JAKMIP2: variants seen among roughly 807,000 people sequenced by gnomAD.
JAKMIP2 encodes the protein janus kinase and microtubule interacting protein 2.
A neutral mutation model predicts 115.0 loss-of-function variants in JAKMIP2; 25 were observed. That is an observed-to-expected ratio of 0.22 (90% confidence interval 0.16 to 0.30). The LOEUF is 0.30. JAKMIP2 is among the 10% of genes least tolerant of loss of function. The pLI, the probability that JAKMIP2 is intolerant of heterozygous loss-of-function variation, is 1.00. For synonymous variants in JAKMIP2, 334 were observed against 343.6 expected (o/e 0.97, Z 0.31); for missense variants, 642 against 957.6 (o/e 0.67, Z 4.35).
intron 1 of JAKMIP2, among the ~76,000 whole-genome samples, chr5:147,779,088 TGAC>T (rs1432119112): frequency 6.6e-6 from 1 of 152,110 alleles, no homozygotes; most frequent in Admixed American, 6.6e-5. Flanking sequence ...AACAAAGCAT[TGAC>T]TTTTCATGAA....
intron 16 of JAKMIP2, among the ~76,000 whole-genome samples, chr5:147,623,907 G>T (rs1489234255): frequency 6.6e-6 from 1 of 152,004 alleles, no homozygotes; most frequent in African/African-American, 2.4e-5. Context: ...CGTTATCTCG[G>T]CTCCTGCAAC....
At chr5:147,730,647 G>A (rs1045001470) in intron 1 of JAKMIP2, among the ~76,000 whole-genome samples, 10 of 152,150 alleles carry the variant, frequency 6.6e-5, no homozygotes, top group South Asian at 4.2e-4. Context: ...GTAGAGACAG[G>A]GTTTCACTAT....
At chr5:147,624,414 C>CAATA (rs1167928898) in intron 16 of JAKMIP2, among the ~76,000 whole-genome samples, 1 of 152,130 alleles carries the variant, frequency 6.6e-6, no homozygotes, top group African/African-American at 2.4e-5. Context: ...ACAACATGTC[C>CAATA]AATAGCTCTA....
At chr5:147,620,476 A>C (rs1474832596) in intron 18 of JAKMIP2, among the ~76,000 whole-genome samples, 190 bp downstream of exon 18, 2 of 152,222 alleles carry the variant, frequency 1.3e-5, no homozygotes, top group Non-Finnish European at 2.9e-5. Flanking sequence ...AGAATATCTT[A>C]TAAGAATCTT....
intron 20 of JAKMIP2, among the ~76,000 whole-genome samples, chr5:147,603,031 C>G (rs116491561): frequency 6.6e-6 from 1 of 152,076 alleles, no homozygotes; most frequent in Non-Finnish European, 1.5e-5. Flanking sequence ...GAGTAATGGA[C>G]GAATTCCCAT....
chr5:147,691,055 C>T (rs889822265), intron 1 of JAKMIP2, among the ~76,000 whole-genome samples: 6 of 152,064 alleles, frequency 3.9e-5, no homozygotes, highest in Non-Finnish European at 8.8e-5. Flanking sequence ...ATGTGACGGA[C>T]TACTCCAGTC....
At chr5:147,748,147 TG>T in intron 1 of JAKMIP2, among the ~76,000 whole-genome samples, 1 of 152,352 alleles carries the variant, frequency 6.6e-6, no homozygotes, top group South Asian at 2.1e-4. Flanking sequence ...GTTCAAATCC[TG>T]GCTCTACTTC....
In JAKMIP2 at chr5:147,639,661, C is replaced by T. The variant is rs878894578; in HGVS notation, c.1501G>A (p.Gly501Ser). The change falls in exon 10 of 22, where the codon GGC becomes AGC. Residue 501 changes from glycine (G) to serine (S), a missense_variant. Physicochemically the swap from Gly to Ser is moderately conservative, Grantham distance 56. Around this residue, in one of 6 missense-constraint regions of JAKMIP2, gnomAD observed 103 missense variants for 177.6 expected, o/e 0.58. Transcript: ENST00000616793. ...AYALLQEQTG[G>S]IIDAEREAKA... ...GCTTCTCGTTCAGCGTCGATGATGC[C>T]TCCCGTCTGCTCCTGTAGGAGGGCA... 1 of 1,613,686 alleles carries T rather than the reference C, an allele frequency of 6.2e-7. No homozygotes were observed. Among genetic ancestry groups the T allele is most frequent in the South Asian group, 1.1e-5 (1 of 90,992 alleles).
Position 147,588,558 on chromosome 5 carries a change from G to C in JAKMIP2, c.*3149C>G, listed in dbSNP as rs1754971850. The C allele has an allele frequency of 1.3e-5, 2 of 151,966 alleles. No individual in the cohort carries two copies. The highest frequency in any genetic ancestry group is 4.8e-5 in the African/African-American group (2 of 41,380). 9.4% of individuals were successfully genotyped at this position (151,966 alleles called of 1,614,324 possible). ...TATAATTGTGAAAATGGATAATAGA[G>C]AGATGTATCTATTGAAATATTTATA... is the stretch of plus-strand genomic sequence containing the variant. On this transcript the variant is annotated 3_prime_UTR_variant, in exon 22 of 22. Coordinates refer to ENST00000616793, the MANE Select transcript of JAKMIP2 (RefSeq NM_001270941.2).
At chr5:147,678,397 T>G (rs908053033) in intron 1 of JAKMIP2, among the ~76,000 whole-genome samples, 2 of 152,218 alleles carry the variant, frequency 1.3e-5, no homozygotes, top group Non-Finnish European at 2.9e-5. Context: ...GCACTATTAG[T>G]CTTTCTGTAC....
rs190407836 is a variant in JAKMIP2 at position 147,619,665 on chromosome 5, A to G, written c.2142+1001T>C. On this transcript the variant is annotated intron_variant, in intron 18 of 21. Coordinates refer to ENST00000616793, the MANE Select transcript of JAKMIP2 (RefSeq NM_001270941.2). Reference sequence around the variant, plus strand: ...GTAGTTCATTATGAAGAAGCATGCAATAGGAATTTGGTAGAGGGGAATGGA... The same window carrying G: ...GTAGTTCATTATGAAGAAGCATGCAGTAGGAATTTGGTAGAGGGGAATGGA... 2.9e-4 allele frequency among the ~76,000 whole-genome samples: 44 copies of G among 152,270 alleles called. No homozygotes were observed. In the East Asian group the frequency reaches 7.3e-3, roughly 25 times the overall value.
At chr5:147,612,081 T>C in intron 20 of JAKMIP2, 11 of 695,518 alleles carry the variant, frequency 1.6e-5, no homozygotes, top group South Asian at 1.2e-4. Context: ...ACAGAAAAAA[T>C]AGGAAAGCAA....
chr5:147,665,190 A>G (rs1355261301), intron 2 of JAKMIP2, among the ~76,000 whole-genome samples: 1 of 152,212 alleles, frequency 6.6e-6, no homozygotes, highest in Non-Finnish European at 1.5e-5. Flanking sequence ...TTATTGGGAC[A>G]CAGCCATGCC....
chr5:147,661,626 A>G (rs1057406290), intron 2 of JAKMIP2, 181 bp from the exon 3 acceptor site: 5 of 598,252 alleles, frequency 8.4e-6, no homozygotes, highest in African/African-American at 3.7e-5. Flanking sequence ...GTGTAAGAGG[A>G]GGAAATACCT....
At chr5:147,713,281 C>T (rs11739236) in intron 1 of JAKMIP2, among the ~76,000 whole-genome samples, 18,427 of 151,894 alleles carry the variant, frequency 0.12, 1,605 homozygotes, top group East Asian at 0.35. Flanking sequence ...TAAGTGTGAG[C>T]CTTTCACTAA....
At chr5:147,675,159 T>A (rs1343172041) in intron 1 of JAKMIP2, among the ~76,000 whole-genome samples, 1 of 152,134 alleles carries the variant, frequency 6.6e-6, no homozygotes, top group Non-Finnish European at 1.5e-5. Flanking sequence ...TACTTCAAAA[T>A]ATAATATTAT....
chr5:147,591,285 G>T lies in JAKMIP2; in HGVS notation c.*422C>A. On this transcript the variant is annotated 3_prime_UTR_variant, in exon 22 of 22. Coordinates refer to ENST00000616793, the MANE Select transcript of JAKMIP2 (RefSeq NM_001270941.2). ...TATTATCAGGACTAGTGTTTCCATG[G>T]GGTGTGGTGTTACATTAAAATGACC... 1 of 189,984 alleles carries T rather than the reference G, an allele frequency of 5.3e-6. No individual in the cohort carries two copies. Among genetic ancestry groups the T allele is most frequent in the Non-Finnish European group, 1.1e-5 (1 of 93,882 alleles). The allele number at this position is 189,984 out of a possible 1,614,324, so 11.8% of individuals were successfully genotyped here.
chr5:147,769,328 G>T (rs1229719906), intron 1 of JAKMIP2, among the ~76,000 whole-genome samples: 1 of 152,074 alleles, frequency 6.6e-6, no homozygotes, highest in Non-Finnish European at 1.5e-5. Flanking sequence ...GGAGAGGGCG[G>T]CAAAAGTGTA....
intron 2 of JAKMIP2, among the ~76,000 whole-genome samples, chr5:147,663,640 C>G (rs186840298): frequency 4.9e-4 from 75 of 152,322 alleles, no homozygotes; most frequent in African/African-American, 1.7e-3. Flanking sequence ...TGAGATTTTA[C>G]TCACCTTAAT....
Sources: allele counts gnomAD v4.1 joint callset (sites outside exome capture counted in the v4.1 genomes callset), GRCh38; gene constraint gnomAD v4.1.1; regional missense constraint gnomAD v4.1.1; transcripts MANE v1.5; gene names NCBI Gene and HGNC (gene_info 2026-07-23, HGNC 2026-07-21).